The following MYO16 variants were observed in gnomAD, a reference collection of about 807,000 sequenced individuals.
MYO16 encodes myosin XVI, also known as unconventional myosin-XVI.
A neutral mutation model predicts 205.3 loss-of-function variants in MYO16; 94 were observed. The observed-to-expected ratio is 0.46, with a 90% CI of 0.39 to 0.54. MYO16 has a LOEUF of 0.54. MYO16 is among the 20% of genes least tolerant of loss of function. MYO16 has a pLI of 0.00. For missense variants in MYO16, 2,315 were observed against 2,387.5 expected, an observed-to-expected ratio of 0.97 and a Z score of 0.63; for synonymous variants, 988 against 954.0, an observed-to-expected ratio of 1.04 and a Z score of -0.66.
At chr13:108,779,138 G>A (rs919494809) in intron 4 of MYO16, among the ~76,000 whole-genome samples, 2 of 152,146 alleles carry the variant, frequency 1.3e-5, no homozygotes, top group Admixed American at 6.5e-5. Flanking sequence ...AGTAATCCAA[G>A]CGGGGGTTTC....
Position 108,855,463 on chromosome 13 carries a change from C to T in MYO16, c.1269C>T (p.Ala423=). Residue 423 remains alanine, a synonymous_variant, in exon 11 of 35, where the codon GCC becomes GCT. Transcript: ENST00000457511. ...CCCAGGTCAAGCTAATGCCTCCTGC[C>T]CCAAACGATGACCTGGCAACGCTCA... is the stretch of plus-strand genomic sequence containing the variant. ...KPEQVKLMPP[A]PNDDLATLSE... 1 of 1,592,874 alleles carries T rather than the reference C, an allele frequency of 6.3e-7. No homozygotes were observed. Among genetic ancestry groups the T allele is most frequent in the Non-Finnish European group, 8.6e-7 (1 of 1,163,766 alleles).
chr13:109,015,688 G>A (rs1885786216), intron 22 of MYO16, among the ~76,000 whole-genome samples: 1 of 152,092 alleles, frequency 6.6e-6, no homozygotes, highest in Non-Finnish European at 1.5e-5. Context: ...GTTTAGTCTT[G>A]GGAGGGTGTA....
chr13:109,153,276 A>G (rs541264110), intron 32 of MYO16, among the ~76,000 whole-genome samples: 34 of 152,320 alleles, frequency 2.2e-4, no homozygotes, highest in African/African-American at 8.2e-4. Context: ...CATCAGAACA[A>G]GAGGAGGTTG....
At chr13:108,757,608 T>C (rs1010551377) in intron 4 of MYO16, among the ~76,000 whole-genome samples, 7 of 152,094 alleles carry the variant, frequency 4.6e-5, no homozygotes, top group African/African-American at 1.2e-4. Flanking sequence ...TAGGTATATC[T>C]CCTAATGCTA....
At chr13:109,042,914 A>G (rs901235101) in intron 23 of MYO16, among the ~76,000 whole-genome samples, 3 of 152,218 alleles carry the variant, frequency 2.0e-5, no homozygotes, top group African/African-American at 7.2e-5. Flanking sequence ...CCATCAGCAA[A>G]TGTTTGTCGT....
At chr13:108,833,215 T>C (rs1349263296) in intron 9 of MYO16, among the ~76,000 whole-genome samples, 1 of 151,856 alleles carries the variant, frequency 6.6e-6, no homozygotes, top group African/African-American at 2.4e-5. Context: ...ATTTGCTTTT[T>C]AGACACAGGT....
At chr13:108,818,010 G>A (rs530892222) in intron 7 of MYO16, among the ~76,000 whole-genome samples, 6 of 152,144 alleles carry the variant, frequency 3.9e-5, no homozygotes, top group Non-Finnish European at 8.8e-5. Flanking sequence ...AGCCTTTAAG[G>A]TTGCATAGCA....
the MYO16 span, among the ~76,000 whole-genome samples, chr13:108,516,768 T>C: frequency 0.029 from 4,456 of 152,304 alleles, 154 homozygotes; most frequent in South Asian, 0.14. Flanking sequence ...TTGTGAACTT[T>C]ATGTGAATAG....
At chr13:108,762,413 T>A (rs760308557) in intron 4 of MYO16, among the ~76,000 whole-genome samples, 3 of 152,204 alleles carry the variant, frequency 2.0e-5, no homozygotes, top group Non-Finnish European at 2.9e-5. Context: ...CTTTGAGAAA[T>A]ATCCATACTG....
intron 34 of MYO16, among the ~76,000 whole-genome samples, chr13:109,185,006 C>A (rs998447082): frequency 6.6e-6 from 1 of 152,120 alleles, no homozygotes; most frequent in African/African-American, 2.4e-5. Context: ...AACTCCTGAC[C>A]TCAAATGATT....
chr13:109,016,978 T>A, intron 22 of MYO16, among the ~76,000 whole-genome samples: 1 of 152,228 alleles, frequency 6.6e-6, no homozygotes, highest in Non-Finnish European at 1.5e-5. Flanking sequence ...AAGGTTAATA[T>A]TGTCATGTGT....
chr13:109,173,269 G>A (rs889815277), intron 33 of MYO16, among the ~76,000 whole-genome samples: 2 of 152,112 alleles, frequency 1.3e-5, no homozygotes, highest in African/African-American at 4.8e-5. Context: ...TGAAAATACG[G>A]AGCACATTGA....
chr13:108,556,795 G>GT, the MYO16 span, among the ~76,000 whole-genome samples: 6,686 of 151,964 alleles, frequency 0.044, 445 homozygotes, highest in African/African-American at 0.15. Flanking sequence ...TCCATTTTGA[G>GT]TTTTTTTCTT....
In MYO16 at chr13:108,992,437, G is replaced by A. The variant is rs1209390835; in HGVS notation, c.2431G>A (p.Glu811Lys). 6.3e-7 allele frequency: 1 copy of A among 1,581,252 alleles called. No individual in the cohort carries two copies. Among genetic ancestry groups the A allele is most frequent in the Non-Finnish European group, 8.7e-7 (1 of 1,151,346 alleles). ...IFGFEEFQKNEFEQLCVNMTN... is the reference protein window; with the variant it reads ...IFGFEEFQKNKFEQLCVNMTN... ...TGGTTTTGAAGAGTTTCAAAAGAAT[G>A]AATTTGAACAAGTAAGTAGTCTTTC... Residue 811 changes from glutamate (E) to lysine (K), a missense_variant, in exon 21 of 35, where the codon GAA (glutamate) becomes AAA (lysine). Around this residue, in one of 3 missense-constraint regions of MYO16, gnomAD observed 1,213 missense variants for 1,274.4 expected, o/e 0.95. Transcript: ENST00000457511.
At chr13:108,662,553 AG>A (rs942817006) in intron 1 of MYO16, among the ~76,000 whole-genome samples, 3 of 152,052 alleles carry the variant, frequency 2.0e-5, no homozygotes, top group African/African-American at 7.2e-5. Flanking sequence ...GCAGGTTGTC[AG>A]GGAACTGGGG....
chr13:108,797,110 C>G (rs1487843488), intron 6 of MYO16, among the ~76,000 whole-genome samples: 1 of 151,998 alleles, frequency 6.6e-6, no homozygotes, highest in African/African-American at 2.4e-5. Flanking sequence ...TAGAATGACT[C>G]CAAGCATTTT....
chr13:108,604,583 A>T (rs1878882747), intron 1 of MYO16, among the ~76,000 whole-genome samples: 1 of 152,180 alleles, frequency 6.6e-6, no homozygotes, highest in African/African-American at 2.4e-5. Context: ...TCAAATATTA[A>T]CATTGAAGTT....
At chr13:109,205,022 C>T (rs953165788) in intron 34 of MYO16, among the ~76,000 whole-genome samples, 1 of 150,526 alleles carries the variant, frequency 6.6e-6, no homozygotes, top group Non-Finnish European at 1.5e-5. Context: ...TTCTCATTTC[C>T]AGGCCATTCT....
At chr13:108,735,357 T>A (rs1201415000) in intron 4 of MYO16, among the ~76,000 whole-genome samples, 2 of 150,420 alleles carry the variant, frequency 1.3e-5, no homozygotes, top group East Asian at 4.0e-4. Flanking sequence ...TGAGAACATG[T>A]GGTGTTTGGT....
Sources: gnomAD v4.1 joint callset for allele counts (sites outside exome capture counted in the v4.1 genomes callset) on GRCh38, gnomAD v4.1.1 for gene constraint, gnomAD v4.1.1 regional missense constraint, MANE v1.5 for transcripts, NCBI Gene and HGNC (gene_info 2026-07-23, HGNC 2026-07-21) for gene names.